Variants in ATP8B4 observed in about 807,000 individuals in gnomAD.
ATP8B4 encodes the protein probable phospholipid-transporting ATPase IM.
Under a neutral mutation model 145.6 loss-of-function variants are expected in ATP8B4, and 133 were observed. That is an observed-to-expected ratio of 0.91 (90% CI 0.79 to 1.05). ATP8B4 has a LOEUF of 1.05. Among genes scored for constraint, ATP8B4 ranks in the 50% least tolerant of loss-of-function variants. ATP8B4 has a pLI of 0.00. For missense variants in ATP8B4, 1,458 were observed against 1,425.2 expected, an observed-to-expected ratio of 1.02 and a Z score of -0.37; for synonymous variants, 507 against 492.9, an observed-to-expected ratio of 1.03 and a Z score of -0.38.
At chr15:50,127,478 G>A (rs6493403) in intron 1 of ATP8B4, among the ~76,000 whole-genome samples, 27,712 of 152,096 alleles carry the variant, frequency 0.18, 2,658 homozygotes, top group Non-Finnish European at 0.21. Context: ...GGAGAGCAAA[G>A]GTGAGTTTGC....
At chr15:50,049,866 T>C (rs2052039215) in intron 3 of ATP8B4, among the ~76,000 whole-genome samples, 1 of 152,220 alleles carries the variant, frequency 6.6e-6, no homozygotes, top group South Asian at 2.1e-4. Flanking sequence ...TGGTGTGAGA[T>C]GGCATCTCAT....
chr15:49,968,822 T>C (rs1201819289), intron 13 of ATP8B4, among the ~76,000 whole-genome samples: 1 of 152,204 alleles, frequency 6.6e-6, no homozygotes, highest in African/African-American at 2.4e-5. Context: ...AGAATATACA[T>C]TCTTCTCAGC....
At chr15:50,138,791 C>A (rs1484002462) in intron 1 of ATP8B4, among the ~76,000 whole-genome samples, 2 of 152,214 alleles carry the variant, frequency 1.3e-5, no homozygotes, top group Non-Finnish European at 2.9e-5. Context: ...ACCCATACAA[C>A]CGCCACTTTC....
intron 20 of ATP8B4, among the ~76,000 whole-genome samples, chr15:49,912,139 C>G (rs554440044): frequency 2.6e-5 from 4 of 151,774 alleles, no homozygotes; most frequent in Non-Finnish European, 5.9e-5. Flanking sequence ...AAAGCAAGAA[C>G]AAAACCCAAA....
chr15:50,098,977 G>A (rs28430678), intron 2 of ATP8B4, among the ~76,000 whole-genome samples: 3,982 of 152,150 alleles, frequency 0.026, 167 homozygotes, highest in African/African-American at 0.092. Context: ...AATTTTTCAT[G>A]TGTTTTTATG....
chr15:49,981,484 C>G (rs1338625531), intron 10 of ATP8B4, among the ~76,000 whole-genome samples, 190 bp from the exon 11 acceptor site: 2 of 152,162 alleles, frequency 1.3e-5, no homozygotes, highest in Non-Finnish European at 2.9e-5. Context: ...CTGGAAGCTG[C>G]AAGAGATGTG....
At chr15:50,127,069 T>C (rs1279817990) in intron 1 of ATP8B4, among the ~76,000 whole-genome samples, 1 of 152,206 alleles carries the variant, frequency 6.6e-6, no homozygotes, top group Non-Finnish European at 1.5e-5. Flanking sequence ...CAATCGCAGA[T>C]CGGGAAATCT....
At chr15:50,162,791 C>A (rs1467307729) in intron 1 of ATP8B4, among the ~76,000 whole-genome samples, 1 of 152,210 alleles carries the variant, frequency 6.6e-6, no homozygotes, top group Admixed American at 6.5e-5. Flanking sequence ...CAGGCGTGAG[C>A]CACCGCGCCC....
At chr15:49,956,733 G>C (rs542917635) in intron 14 of ATP8B4, among the ~76,000 whole-genome samples, 1 of 152,178 alleles carries the variant, frequency 6.6e-6, no homozygotes, top group Middle Eastern at 3.4e-3. Flanking sequence ...TGTTTGTAGA[G>C]ACAGGGTCTC....
At chr15:49,967,520 C>A (rs2044664903) in intron 13 of ATP8B4, among the ~76,000 whole-genome samples, 2 of 151,928 alleles carry the variant, frequency 1.3e-5, no homozygotes, top group South Asian at 4.2e-4. Context: ...GAAAGGATAT[C>A]AGAGAGATTG....
intron 14 of ATP8B4, among the ~76,000 whole-genome samples, chr15:49,955,808 CT>C (rs1309744977): frequency 2.0e-5 from 3 of 152,022 alleles, no homozygotes; most frequent in Non-Finnish European, 4.4e-5. Context: ...TATGAGATCT[CT>C]AAAGTAGTCA....
chr15:50,082,981 G>C (rs1050699786), intron 2 of ATP8B4, among the ~76,000 whole-genome samples: 2 of 152,202 alleles, frequency 1.3e-5, no homozygotes, highest in Admixed American at 1.3e-4. Context: ...GATATAAGGA[G>C]ATGGTGGTGG....
At chr15:49,873,190 G>C (rs2033908478) in intron 25 of ATP8B4, among the ~76,000 whole-genome samples, 1 of 152,180 alleles carries the variant, frequency 6.6e-6, no homozygotes, top group Non-Finnish European at 1.5e-5. Context: ...CCCTTCAGCT[G>C]AAAATGATAC....
chr15:50,041,863 C>A (rs1413792890), intron 5 of ATP8B4, among the ~76,000 whole-genome samples: 1 of 152,086 alleles, frequency 6.6e-6, no homozygotes, highest in Non-Finnish European at 1.5e-5. Context: ...TTTCTTGAAC[C>A]CGGGAGGCGG....
At chr15:50,015,214 A>C (rs2048998698) in intron 6 of ATP8B4, among the ~76,000 whole-genome samples, 2 of 152,234 alleles carry the variant, frequency 1.3e-5, no homozygotes, top group Non-Finnish European at 2.9e-5. Flanking sequence ...TGAAAGATAC[A>C]CAAGAAACTA....
chr15:50,038,520 C>T (rs1365790376), intron 6 of ATP8B4, among the ~76,000 whole-genome samples: 1 of 152,070 alleles, frequency 6.6e-6, no homozygotes, highest in East Asian at 1.9e-4. Context: ...TGGAAAGTGA[C>T]AAAGATGTGT....
chr15:50,090,082 A>G (rs1346214606), intron 2 of ATP8B4, among the ~76,000 whole-genome samples: 1 of 152,178 alleles, frequency 6.6e-6, no homozygotes, highest in Non-Finnish European at 1.5e-5. Flanking sequence ...TGGAGCTGGA[A>G]GCCATTATCC....
chr15:49,897,296 G>T lies in ATP8B4; in HGVS notation c.2693C>A (p.Ala898Asp). 1 of 1,605,344 alleles carries T rather than the reference G, an allele frequency of 6.2e-7. No individual in the cohort carries two copies. Among genetic ancestry groups the T allele is most frequent in the Non-Finnish European group, 8.5e-7 (1 of 1,175,256 alleles). ...AAAAAACATGCTTTTACCAACCTGG[G>T]CTGAGAAACCACAGAAGAAACCAAA... ...FWFGFFCGFSAQTVYDQWFIT... is the reference protein window; with the variant it reads ...FWFGFFCGFSDQTVYDQWFIT... The change falls in exon 23 of 28, where the codon GCC (alanine) becomes GAC (aspartate). Residue 898 changes from alanine to aspartate, a missense_variant. Physicochemically the swap from Ala to Asp is moderately radical, Grantham distance 126. Transcript: ENST00000284509.
At chr15:49,970,520 C>T (rs1412273222) in intron 13 of ATP8B4, among the ~76,000 whole-genome samples, 1 of 152,140 alleles carries the variant, frequency 6.6e-6, no homozygotes, top group African/African-American at 2.4e-5. Context: ...CTCCCATTCA[C>T]AATAGCTACA....
Sources: allele counts gnomAD v4.1 joint callset (sites outside exome capture counted in the v4.1 genomes callset), GRCh38; gene constraint gnomAD v4.1.1; transcripts MANE v1.5; gene names NCBI Gene and HGNC (gene_info 2026-07-23, HGNC 2026-07-21).